Variants in LPA observed in about 807,000 individuals in gnomAD.
LPA encodes the protein lipoprotein(a), also known as apolipoprotein(a).
Under a neutral mutation model 197.9 loss-of-function variants are expected in LPA, and 199 were observed. That is an observed-to-expected ratio of 1.01 (90% confidence interval 0.90 to 1.13). The LOEUF is 1.13. Ranked by LOEUF, LPA falls within the 50% of genes most tolerant of loss-of-function variation. The pLI, the probability that LPA is intolerant of heterozygous loss-of-function variation, is 0.00. For missense variants in LPA, 1,853 were observed against 1,785.8 expected, an observed-to-expected ratio of 1.04 and a Z score of -0.68; for synonymous variants, 715 against 639.5, an observed-to-expected ratio of 1.12 and a Z score of -1.78.
At chr6:160,576,513 G>A in intron 28 of LPA, among the ~76,000 whole-genome samples, 1 of 141,438 alleles carries the variant, frequency 7.1e-6, no homozygotes, top group South Asian at 2.2e-4. Flanking sequence ...TATTTAAAAT[G>A]TTATATTAAA....
chr6:160,576,346 A>G (rs1253663796), intron 28 of LPA, among the ~76,000 whole-genome samples: 108 of 16,556 alleles, frequency 6.5e-3, no homozygotes, highest in African/African-American at 0.026. Flanking sequence ...GTGTGTATAT[A>G]TATATATATA....
chr6:160,591,653 G>A (rs1779032114), intron 22 of LPA, among the ~76,000 whole-genome samples: 1 of 152,158 alleles, frequency 6.6e-6, no homozygotes, highest in South Asian at 2.1e-4. Context: ...GTATAGCAAT[G>A]GCTCCTCTCC....
At chr6:160,653,978 TA>T (rs1562354471) in intron 1 of LPA, among the ~76,000 whole-genome samples, 6 of 32,440 alleles carry the variant, frequency 1.8e-4, no homozygotes, top group East Asian at 1.8e-3. Context: ...ATATATAATA[TA>T]TAATATATAA....
chr6:160,649,531 A>C (rs780411398), intron 2 of LPA, among the ~76,000 whole-genome samples: 2 of 152,138 alleles, frequency 1.3e-5, no homozygotes, highest in Non-Finnish European at 2.9e-5. Flanking sequence ...AGATGGCTAC[A>C]GTTTTTTTTG....
intron 22 of LPA, 57 bp from the exon 23 acceptor site, chr6:160,591,158 A>G (rs1197544787): frequency 1.2e-6 from 2 of 1,601,146 alleles, no homozygotes; most frequent in African/African-American, 2.7e-5. Flanking sequence ...CAAGGGCACC[A>G]GACATCCTCT....
chr6:160,595,362 G>C lies in LPA; in HGVS notation c.3461C>G (p.Ser1154Cys). ...VVPDPSTEAS[S>C]EEAPTEQSPG... ...GGCCATAGACTTCCTACCTTCTTCA[G>C]AAGAAGCCTCTGTGCTTGGATCTGG... Residue 1154 changes from serine to cysteine, a missense_variant, in exon 21 of 39, where the codon TCT becomes TGT. This residue lies in a region of LPA where 1,737 missense variants were observed against 1,504.4 expected (regional missense o/e 1.15). Coordinates refer to ENST00000316300, the MANE Select transcript of LPA (RefSeq NM_005577.4). 1 of 1,612,446 alleles carries C rather than the reference G, an allele frequency of 6.2e-7. No individual in the cohort carries two copies. Among genetic ancestry groups the C allele is most frequent in the South Asian group, 1.1e-5 (1 of 91,066 alleles).
chr6:160,583,719 A>G (rs1195371884), intron 26 of LPA, among the ~76,000 whole-genome samples: 4 of 152,050 alleles, frequency 2.6e-5, no homozygotes, highest in East Asian at 3.9e-4. Context: ...CTCCACAAAT[A>G]CTTTCTCATT....
intron 1 of LPA, among the ~76,000 whole-genome samples, chr6:160,650,948 TG>T (rs1265527500): frequency 6.6e-6 from 1 of 152,048 alleles, no homozygotes; most frequent in African/African-American, 2.4e-5. Flanking sequence ...TTCTGGGCAA[TG>T]GGGGGAGAAA....
chr6:160,544,577 A>G (rs1778033708), intron 33 of LPA, among the ~76,000 whole-genome samples: 2 of 152,076 alleles, frequency 1.3e-5, no homozygotes, highest in Admixed American at 6.6e-5. Context: ...CTCCCCAGGC[A>G]ATCTCAGGAT....
chr6:160,656,477 G>A (rs1780134874), intron 1 of LPA, among the ~76,000 whole-genome samples: 1 of 152,156 alleles, frequency 6.6e-6, no homozygotes, highest in Admixed American at 6.5e-5. Flanking sequence ...TCAGAAATGA[G>A]CTAAAACTCC....
chr6:160,574,133 T>C (rs1284027694), intron 28 of LPA, among the ~76,000 whole-genome samples: 1 of 151,928 alleles, frequency 6.6e-6, no homozygotes, highest in African/African-American at 2.4e-5. Context: ...CCTAGGAGGA[T>C]TATGGCTGCC....
At chr6:160,610,945 G>C (rs1024932462) in intron 16 of LPA, among the ~76,000 whole-genome samples, 3 of 152,138 alleles carry the variant, frequency 2.0e-5, no homozygotes, top group Non-Finnish European at 4.4e-5. Context: ...GGGGTGGTCA[G>C]ACCAGGGCTT....
At chr6:160,591,815 G>A (rs529715672) in intron 22 of LPA, among the ~76,000 whole-genome samples, 9 of 124,522 alleles carry the variant, frequency 7.2e-5, no homozygotes, top group Admixed American at 6.6e-4. Flanking sequence ...TTCACTGAAT[G>A]TCATTGGTTT....
intron 10 of LPA, among the ~76,000 whole-genome samples, chr6:160,626,598 G>C (rs1273456762): frequency 1.3e-3 from 159 of 120,632 alleles, no homozygotes; most frequent in African/African-American, 5.3e-3. Flanking sequence ...TTTTATACTA[G>C]CTCTTTAATT....
Position 160,541,181 on chromosome 6 carries a change from C to T in LPA, c.5520G>A (p.Arg1840=), listed in dbSNP as rs1562314967. The T allele has an allele frequency of 1.2e-6, 2 of 1,612,270 alleles. No individual in the cohort carries two copies. The highest frequency in any genetic ancestry group is 1.7e-6 in the Non-Finnish European group (2 of 1,178,244). ...TGCCTCCACAGAAGTGCTTTCCAAACCTAGAAAGAAAACATGCCAAGGCTT... is the reference window on the plus strand; with the variant it reads ...TGCCTCCACAGAAGTGCTTTCCAAATCTAGAAAGAAAACATGCCAAGGCTT... The part of the protein sequence containing the change: ...SWPWQVSLRT[R]FGKHFCGGTL... The change falls in exon 35 of 39, where the codon AGG becomes AGA. Residue 1840 remains arginine, a splice_region_variant and synonymous_variant. Coordinates refer to ENST00000316300, the MANE Select transcript of LPA (RefSeq NM_005577.4).
chr6:160,600,834 C>G, intron 19 of LPA, 83 bp downstream of exon 19: 1 of 1,467,862 alleles, frequency 6.8e-7, no homozygotes, highest in Admixed American at 1.7e-5. Flanking sequence ...CAGTGTAGCA[C>G]TGAAGGGTTG....
At chr6:160,647,738 C>T (rs1012071830) in intron 2 of LPA, among the ~76,000 whole-genome samples, 2 of 152,154 alleles carry the variant, frequency 1.3e-5, no homozygotes, top group African/African-American at 4.8e-5. Context: ...GGTACACTTC[C>T]AATTAATCCC....
In LPA at chr6:160,532,615, C is replaced by G. The variant is rs1240044052; in HGVS notation, c.5877G>C (p.Gln1959His). 6.2e-7 allele frequency: 1 copy of G among 1,612,986 alleles called. No individual in the cohort carries two copies. Among genetic ancestry groups the G allele is most frequent in the Non-Finnish European group, 8.5e-7 (1 of 1,179,076 alleles). Residue 1959 changes from glutamine to histidine, a missense_variant, in exon 38 of 39, where the codon CAG becomes CAC. Coordinates refer to ENST00000316300, the MANE Select transcript of LPA (RefSeq NM_005577.4). ...ACACTTCATTCTCAATAACAAGGAG[C>G]TGGGCTTCCTTGAGAAGGCCAGTCC... The part of the protein sequence containing the change: ...TFGTGLLKEA[Q>H]LLVIENEVCN...
chr6:160,538,313 G>T (rs1215341328), intron 36 of LPA, among the ~76,000 whole-genome samples: 6 of 152,180 alleles, frequency 3.9e-5, no homozygotes, highest in Non-Finnish European at 8.8e-5. Context: ...AGAGGGCATT[G>T]ATGACTGGGC....
Sources: allele counts gnomAD v4.1 joint callset (sites outside exome capture counted in the v4.1 genomes callset), GRCh38; gene constraint gnomAD v4.1.1; regional missense constraint gnomAD v4.1.1; transcripts MANE v1.5; gene names NCBI Gene and HGNC (gene_info 2026-07-23, HGNC 2026-07-21).